Variants in ZNF546 observed in about 807,000 individuals in gnomAD.
ZNF546 encodes the protein zinc finger protein 546.
In ZNF546, 60 loss-of-function variants were observed where a neutral mutation model predicts 76.2. The observed-to-expected ratio is 0.79, with a 90% confidence interval of 0.64 to 0.98. The LOEUF is 0.98. ZNF546 is among the 50% of genes least tolerant of loss of function. ZNF546 has a pLI of 0.00. For missense variants in ZNF546, 936 were observed against 1,035.6 expected, an observed-to-expected ratio of 0.90 and a Z score of 1.32; for synonymous variants, 277 against 328.1, an observed-to-expected ratio of 0.84 and a Z score of 1.68.
At position 40,016,834 on chromosome 19, in the gene ZNF546, T is replaced by C. The variant is rs912742603; in HGVS notation, c.*1053T>C. 6.6e-6 allele frequency: 1 copy of C among 152,188 alleles called. No homozygotes were observed. Among genetic ancestry groups the C allele is most frequent in the Non-Finnish European group, 1.5e-5 (1 of 68,034 alleles). 9.4% of individuals were successfully genotyped at this position (152,188 alleles called of 1,614,324 possible). A position where few individuals can be genotyped will look rare whatever the true frequency, so the allele number is the denominator to read the frequency against. On this transcript the variant is annotated 3_prime_UTR_variant, in exon 7 of 7. Transcript: ENST00000347077. ...ATATATATAAATAATATAATTCTCATAATTCCACCTCTGCCTATGTGGTGT... is the reference window on the plus strand; with the variant it reads ...ATATATATAAATAATATAATTCTCACAATTCCACCTCTGCCTATGTGGTGT...
chr19:40,014,700 C>T lies in ZNF546; in HGVS notation c.1430C>T (p.Ala477Val). 1 of 1,613,840 alleles carries T rather than the reference C, an allele frequency of 6.2e-7. No homozygotes were observed. The highest frequency in any genetic ancestry group is 8.5e-7 in the Non-Finnish European group (1 of 1,179,978). Residue 477 changes from alanine (A) to valine (V), a missense_variant, in exon 7 of 7, where the codon GCC becomes GTC. Coordinates refer to ENST00000347077, the MANE Select transcript of ZNF546 (RefSeq NM_178544.5). ...TATGAATGTAAGGAATGTGGGAAGGCCTTTATTTGTGGTTATCAACTTACT... is the reference window on the plus strand; with the variant it reads ...TATGAATGTAAGGAATGTGGGAAGGTCTTTATTTGTGGTTATCAACTTACT... ...KPYECKECGKAFICGYQLTLH... is the reference protein window; with the variant it reads ...KPYECKECGKVFICGYQLTLH...
intron 6 of ZNF546, among the ~76,000 whole-genome samples, chr19:40,011,577 A>C (rs1192967117): frequency 6.6e-6 from 1 of 152,308 alleles, no homozygotes; most frequent in Non-Finnish European, 1.5e-5. Flanking sequence ...TATTGTACAC[A>C]AACTCTTCCA....
In ZNF546 at chr19:40,018,540, G is replaced by A. The variant is rs1971810543; in HGVS notation, c.*2759G>A. On this transcript the variant is annotated 3_prime_UTR_variant, in exon 7 of 7. Coordinates refer to ENST00000347077, the MANE Select transcript of ZNF546 (RefSeq NM_178544.5). The stretch of plus-strand genomic sequence containing the variant: ...CCATTCTGCATGTTCATCTTACAAT[G>A]TGATACCAACACTCCCCAAGAGGTA... The A allele has an allele frequency of 6.6e-6, 1 of 152,176 alleles. No individual in the cohort carries two copies. Among genetic ancestry groups the A allele is most frequent in the African/African-American group, 2.4e-5 (1 of 41,446 alleles). The allele number at this position is 152,176 out of a possible 1,614,324, so 9.4% of individuals were successfully genotyped here.
In ZNF546 at chr19:40,015,044, C is replaced by T. The variant is rs1312596538; in HGVS notation, c.1774C>T (p.Arg592Cys). The change falls in exon 7 of 7, where the codon CGT (arginine) becomes TGT (cysteine). Residue 592 changes from arginine to cysteine, a missense_variant. Physicochemically the swap from Arg to Cys is radical, Grantham distance 180. Coordinates refer to ENST00000347077, the MANE Select transcript of ZNF546 (RefSeq NM_178544.5). The part of the protein sequence containing the change: ...ICKECGKIFS[R>C]RYNLTQHFKI... ...TAAAGAATGTGGGAAGATTTTTAGT[C>T]GTCGCTATAATCTTACTCAACATTT... 33 of 1,613,396 alleles carry T rather than the reference C, an allele frequency of 2.0e-5. No homozygotes were observed. Among genetic ancestry groups the T allele is most frequent in the South Asian group, 1.1e-4 (10 of 91,034 alleles).
intron 5 of ZNF546, among the ~76,000 whole-genome samples, chr19:40,007,896 T>TA (rs536494692): frequency 6.6e-6 from 1 of 152,210 alleles, no homozygotes; most frequent in East Asian, 1.9e-4. Flanking sequence ...GGTTGAAAGT[T>TA]AAAGTCTGTG....
rs1278938581 is a variant in ZNF546 at position 40,008,461 on chromosome 19, C to T, written c.299-9C>T. On this transcript the variant is annotated splice_polypyrimidine_tract_variant and intron_variant, in intron 5 of 6. Transcript: ENST00000347077. ...CTATAACATGTGTCATTTCTTTTCT[C>T]ATGAGCAGGATATACCATTCCTAAG... 2 of 1,556,328 alleles carry T rather than the reference C, an allele frequency of 1.3e-6. No individual in the cohort carries two copies. The highest frequency in any genetic ancestry group is 1.7e-6 in the Non-Finnish European group (2 of 1,142,938).
chr19:40,010,681 C>CTTCT (rs1055212930), intron 6 of ZNF546, among the ~76,000 whole-genome samples: 2 of 151,868 alleles, frequency 1.3e-5, no homozygotes, highest in Non-Finnish European at 2.9e-5. Flanking sequence ...ATTCTCTTTG[C>CTTCT]TTCTTTCTTT....
intron 3 of ZNF546, 105 bp downstream of exon 3, chr19:39,998,515 C>T (rs1324234974): frequency 3.0e-6 from 3 of 985,288 alleles, no homozygotes; most frequent in African/African-American, 3.2e-5. Context: ...TCTCCAAAGA[C>T]CTCAGTTTTA....
At chr19:40,001,595 CAG>C (rs1971530866) in intron 3 of ZNF546, among the ~76,000 whole-genome samples, 1 of 152,084 alleles carries the variant, frequency 6.6e-6, no homozygotes, top group African/African-American at 2.4e-5. Context: ...CTCCTGACCT[CAG>C]GTGATCCACC....
chr19:39,999,020 G>C (rs1252042959), intron 3 of ZNF546, among the ~76,000 whole-genome samples: 1 of 152,170 alleles, frequency 6.6e-6, no homozygotes, highest in Non-Finnish European at 1.5e-5. Context: ...TGATTCACTT[G>C]CCTTGGCCTC....
At chr19:40,007,661 A>G (rs1164633119) in intron 5 of ZNF546, among the ~76,000 whole-genome samples, 4 of 152,142 alleles carry the variant, frequency 2.6e-5, no homozygotes, top group East Asian at 1.9e-4. Context: ...GTTGTGTGAC[A>G]TCAGATTTCA....
chr19:40,006,029 T>C, intron 3 of ZNF546, 67 bp from the exon 4 acceptor site: 2 of 1,334,274 alleles, frequency 1.5e-6, no homozygotes, highest in Non-Finnish European at 2.2e-6. Flanking sequence ...CAGGATCTTA[T>C]TAACTTAAGT....
intron 4 of ZNF546, 44 bp downstream of exon 4, chr19:40,006,226 T>G (rs773953576): frequency 6.5e-7 from 1 of 1,540,844 alleles, no homozygotes; most frequent in South Asian, 1.1e-5. Flanking sequence ...GTTTTTAAAT[T>G]CATGTGATCA....
intron 3 of ZNF546, chr19:39,999,454 G>A (rs1971498039): frequency 6.6e-6 from 1 of 152,046 alleles, no homozygotes; most frequent in Non-Finnish European, 1.5e-5. Flanking sequence ...TCTGGTTATA[G>A]AATTAATATT....
In ZNF546 at chr19:40,020,599, T is replaced by A. The variant is rs1056286688; in HGVS notation, c.*4818T>A. Reference sequence around the variant, plus strand: ...AGTTTTGAATACTAAATCCCTTTTTTAAAAAAGTGCTTATTATCAGGCTAT... The same window carrying A: ...AGTTTTGAATACTAAATCCCTTTTTAAAAAAAGTGCTTATTATCAGGCTAT... On this transcript the variant is annotated 3_prime_UTR_variant, in exon 7 of 7. Coordinates refer to ENST00000347077, the MANE Select transcript of ZNF546 (RefSeq NM_178544.5). 8 of 152,116 alleles carry A rather than the reference T, an allele frequency of 5.3e-5. No individual in the cohort carries two copies. Among genetic ancestry groups the A allele is most frequent in the Non-Finnish European group, 1.2e-4 (8 of 67,982 alleles). The allele number at this position is 152,116 out of a possible 1,614,324, so 9.4% of individuals were successfully genotyped here.
chr19:40,000,097 C>A (rs1971508907), intron 3 of ZNF546, among the ~76,000 whole-genome samples: 2 of 152,140 alleles, frequency 1.3e-5, no homozygotes, highest in African/African-American at 2.4e-5. Context: ...CCAATGAATC[C>A]TGCTAAGTTT....
chr19:40,015,456 C>CAAA lies in ZNF546; in HGVS notation c.2186_2187insAAA (p.Thr729_Phe730insAsn). 2 of 1,614,142 alleles carry CAAA rather than the reference C, an allele frequency of 1.2e-6. No individual in the cohort carries two copies. The highest frequency in any genetic ancestry group is 1.7e-6 in the Non-Finnish European group (2 of 1,180,032). On this transcript the variant is annotated inframe_insertion, in exon 7 of 7. Transcript: ENST00000347077. ...TATGAATGTAAGGAATGTGGAAAGA[C>CAAA]CTTTAGTCGTCGGTATCATCTTACT... is the stretch of plus-strand genomic sequence containing the variant.
At chr19:40,004,072 AAT>A (rs532689473) in intron 3 of ZNF546, among the ~76,000 whole-genome samples, 227 of 129,486 alleles carry the variant, frequency 1.8e-3, no homozygotes, top group South Asian at 6.7e-3. Context: ...ATAATATATA[AAT>A]ATATATATAA....
chr19:40,014,247 A>C lies in ZNF546; in HGVS notation c.977A>C (p.Glu326Ala). The C allele has an allele frequency of 1.2e-6, 2 of 1,613,736 alleles. No individual in the cohort carries two copies. The highest frequency in any genetic ancestry group is 8.5e-7 in the Non-Finnish European group (1 of 1,179,694). The stretch of plus-strand genomic sequence containing the variant: ...GTACATCAGACAATTCATGCTGGAG[A>C]GAGACCTTATGAATGTAAAGAATGT... ...LRVHQTIHAG[E>A]RPYECKECGK... The change falls in exon 7 of 7, where the codon GAG becomes GCG. Residue 326 changes from glutamate to alanine, a missense_variant. By Grantham distance (107) the Glu-to-Ala change is moderately radical (BLOSUM62 -1). Coordinates refer to ENST00000347077, the MANE Select transcript of ZNF546 (RefSeq NM_178544.5).
Sources: allele counts gnomAD v4.1 joint callset (sites outside exome capture counted in the v4.1 genomes callset), GRCh38; gene constraint gnomAD v4.1.1; transcripts MANE v1.5; gene names NCBI Gene and HGNC (gene_info 2026-07-23, HGNC 2026-07-21).